Variants in DIP2C observed in about 807,000 individuals in gnomAD.
DIP2C encodes the protein DIP2 acetate--CoA ligase C (putative).
DIP2C carries 33 observed loss-of-function variants against 192.4 expected under a neutral mutation model. The ratio of observed to expected loss-of-function variants is 0.17; its 90% CI spans 0.13 to 0.23. The LOEUF is 0.23. Among genes scored for constraint, DIP2C ranks in the 10% least tolerant of loss-of-function variants. The pLI, the probability that DIP2C is intolerant of heterozygous loss-of-function variation, is 1.00. For synonymous variants in DIP2C, 979 were observed against 864.1 expected (o/e 1.13, Z -2.33); for missense variants, 1,537 against 2,110.1 (o/e 0.73, Z 5.32).
chr10:465,825 T>C (rs1462633034), intron 3 of DIP2C, among the ~76,000 whole-genome samples: 1 of 150,830 alleles, frequency 6.6e-6, no homozygotes, highest in Non-Finnish European at 1.5e-5. Flanking sequence ...GGAATCCAAC[T>C]TACAAGGGAT....
chr10:458,486 C>T (rs1485313109), intron 3 of DIP2C, among the ~76,000 whole-genome samples: 7 of 151,990 alleles, frequency 4.6e-5, no homozygotes, highest in African/African-American at 1.4e-4. Context: ...ACCGGCAGCG[C>T]GTGACAGAGT....
chr10:354,058 C>T (rs1589583849), intron 24 of DIP2C, among the ~76,000 whole-genome samples: 1 of 152,170 alleles, frequency 6.6e-6, no homozygotes, highest in African/African-American at 2.4e-5. Context: ...AGGACCCATG[C>T]CTGATCTGAT....
At chr10:376,855 A>G (rs1423483959) in intron 17 of DIP2C, among the ~76,000 whole-genome samples, 1 of 152,214 alleles carries the variant, frequency 6.6e-6, no homozygotes, top group African/African-American at 2.4e-5. Flanking sequence ...GGAAACACGC[A>G]CCGCGAGGGG....
chr10:523,630 G>C (rs1430822661), intron 1 of DIP2C, among the ~76,000 whole-genome samples: 9 of 133,706 alleles, frequency 6.7e-5, no homozygotes, highest in African/African-American at 1.9e-4. Flanking sequence ...GACTCTGTGT[G>C]ACCCGCACAC....
rs144218354 is a variant in DIP2C at position 605,811 on chromosome 10, T to C, written c.85+83683A>G. 4.3e-4 allele frequency among the ~76,000 whole-genome samples: 65 copies of C among 152,324 alleles called. No homozygotes were observed. The East Asian group carries it at 0.01, about 24-fold the overall frequency. Reference sequence around the variant, plus strand: ...CAACAAGGAAGCTCAGAAGGCTGGGTAAGCCCAAGAAAGGAGGAAGCGTCC... The same window carrying C: ...CAACAAGGAAGCTCAGAAGGCTGGGCAAGCCCAAGAAAGGAGGAAGCGTCC... On this transcript the variant is annotated intron_variant, in intron 1 of 36. Transcript: ENST00000280886.
At chr10:359,739 G>A (rs1316719173) in intron 22 of DIP2C, among the ~76,000 whole-genome samples, 3 of 152,154 alleles carry the variant, frequency 2.0e-5, no homozygotes, top group African/African-American at 7.2e-5. Context: ...TTCACCCGCT[G>A]CGCATCCTCT....
At chr10:459,201 C>A (rs754715008) in intron 3 of DIP2C, among the ~76,000 whole-genome samples, 5 of 152,126 alleles carry the variant, frequency 3.3e-5, no homozygotes, top group Non-Finnish European at 7.3e-5. Context: ...AACCCTCCCC[C>A]ACCCCCAAAC....
At chr10:685,135 CAAAAAAAAAAAAAAAA>C (rs140709069) in intron 1 of DIP2C, among the ~76,000 whole-genome samples, 66 of 72,954 alleles carry the variant, frequency 9.0e-4, no homozygotes, top group African/African-American at 4.2e-3. Context: ...ACTTGGTCCC[CAAAAAAAAAAAAAAAA>C]AAAAAAAAAA....
At chr10:558,541 T>G (rs1395549592) in intron 1 of DIP2C, among the ~76,000 whole-genome samples, 2 of 151,938 alleles carry the variant, frequency 1.3e-5, no homozygotes, top group Non-Finnish European at 2.9e-5. Flanking sequence ...CAGGAGCACG[T>G]CCAGCCCAGC....
intron 1 of DIP2C, among the ~76,000 whole-genome samples, chr10:503,002 A>G (rs182013067): frequency 1.4e-3 from 205 of 151,718 alleles, no homozygotes; most frequent in Admixed American, 4.5e-3. Context: ...CTGCAGACTT[A>G]TTACAATTCC....
chr10:485,661 T>A (rs1843963510), intron 2 of DIP2C, among the ~76,000 whole-genome samples: 1 of 152,212 alleles, frequency 6.6e-6, no homozygotes, highest in African/African-American at 2.4e-5. Flanking sequence ...TGTGCAGGTG[T>A]GGACATGTGC....
Position 329,630 on chromosome 10 carries a change from G to GGGAGCTCAGCAAGGCT in DIP2C, c.3585-45_3585-30dup, listed in dbSNP as rs3832678. The GGGAGCTCAGCAAGGCT allele has an allele frequency of 4.5e-4, 721 of 1,594,870 alleles. 2 individuals are homozygous for GGGAGCTCAGCAAGGCT. Among genetic ancestry groups the GGGAGCTCAGCAAGGCT allele is most frequent in the Admixed American group, 1.0e-3 (59 of 58,608 alleles). On this transcript the variant is annotated intron_variant, in intron 29 of 36. Transcript: ENST00000280886. ...CAGAGAAAGAAGAGGCTGTCAGGGC[G>GGGAGCTCAGCAAGGCT]GGAGCTCAGCAAGGCTGGAGCTCAG...
intron 29 of DIP2C, among the ~76,000 whole-genome samples, chr10:336,978 C>CTGTG (rs141349366): frequency 2.1e-4 from 7 of 33,308 alleles, no homozygotes; most frequent in Admixed American, 1.3e-3. Context: ...GCCTAGGCAG[C>CTGTG]TGTGTGTGTG....
chr10:670,299 CAT>C lies in DIP2C; in HGVS notation c.85+19193_85+19194del, dbSNP rs572045506. ...ATATACACACGTACACATGCACACA[CAT>C]ACGCACATACATGCATATACACATG... On this transcript the variant is annotated intron_variant, in intron 1 of 36. Coordinates refer to ENST00000280886, the MANE Select transcript of DIP2C (RefSeq NM_014974.3). 6.0e-4 allele frequency among the ~76,000 whole-genome samples: 92 copies of C among 152,264 alleles called. 1 individual carries two copies. The highest frequency in any genetic ancestry group is 2.1e-3 in the African/African-American group (87 of 41,540).
intron 1 of DIP2C, among the ~76,000 whole-genome samples, chr10:525,387 G>A (rs532155367): frequency 7.2e-5 from 11 of 152,256 alleles, no homozygotes; most frequent in African/African-American, 2.2e-4. Flanking sequence ...GAGACTCAGC[G>A]TATCTCAGAA....
chr10:404,278 G>A (rs970142770), intron 9 of DIP2C, among the ~76,000 whole-genome samples: 10 of 150,638 alleles, frequency 6.6e-5, no homozygotes, highest in South Asian at 2.1e-4. Flanking sequence ...GTGCAATCTC[G>A]GCTCACTGCA....
chr10:475,053 C>G (rs1001772109), intron 2 of DIP2C, among the ~76,000 whole-genome samples: 1 of 152,184 alleles, frequency 6.6e-6, no homozygotes, highest in Non-Finnish European at 1.5e-5. Context: ...AGAGCCCTCT[C>G]CTCTCCTGTT....
chr10:519,689 G>A (rs1846577281), intron 1 of DIP2C, among the ~76,000 whole-genome samples: 1 of 152,264 alleles, frequency 6.6e-6, no homozygotes, highest in Non-Finnish European at 1.5e-5. Context: ...ACAGAAACCT[G>A]ACCCTCTCAA....
intron 1 of DIP2C, among the ~76,000 whole-genome samples, chr10:525,134 T>TA (rs1480450028): frequency 6.6e-6 from 1 of 152,212 alleles, no homozygotes; most frequent in Admixed American, 6.5e-5. Flanking sequence ...AAAGCATTCT[T>TA]AAATGCATCA....
Sources: allele counts gnomAD v4.1 joint callset (sites outside exome capture counted in the v4.1 genomes callset), GRCh38; gene constraint gnomAD v4.1.1; transcripts MANE v1.5; gene names NCBI Gene and HGNC (gene_info 2026-07-23, HGNC 2026-07-21).